Variants in PCSK6 observed in about 807,000 individuals in gnomAD.
The protein encoded by PCSK6 is proprotein convertase subtilisin/kexin type 6.
Under a neutral mutation model 123.3 loss-of-function variants are expected in PCSK6, and 85 were observed. The observed-to-expected ratio is 0.69, with a 90% confidence interval of 0.58 to 0.83. The LOEUF is 0.83. Ranked by LOEUF, PCSK6 falls within the 40% of genes least tolerant of loss-of-function variation. The pLI is 0.00. For synonymous variants in PCSK6, 508 were observed against 516.0 expected (o/e 0.98, Z 0.21); for missense variants, 1,191 against 1,282.3 (o/e 0.93, Z 1.09).
At chr15:101,417,252 C>G (rs1260181448) in intron 6 of PCSK6, among the ~76,000 whole-genome samples, 1 of 152,160 alleles carries the variant, frequency 6.6e-6, no homozygotes, top group Non-Finnish European at 1.5e-5. Context: ...CTGACGCCTC[C>G]CCAGCCATGT....
intron 2 of PCSK6, among the ~76,000 whole-genome samples, chr15:101,433,865 AG>A (rs2056520295): frequency 6.6e-6 from 1 of 152,232 alleles, no homozygotes; most frequent in Admixed American, 6.5e-5. Context: ...CTTGGTGTAC[AG>A]GGCAAAATGC....
At chr15:101,425,688 C>G (rs2056232983) in intron 6 of PCSK6, among the ~76,000 whole-genome samples, 1 of 151,992 alleles carries the variant, frequency 6.6e-6, no homozygotes, top group Admixed American at 6.6e-5. Context: ...TGCTATTATT[C>G]TTGTTTTAAA....
intron 20 of PCSK6, 33 bp downstream of exon 20, chr15:101,313,343 G>GCTGC: frequency 6.2e-7 from 1 of 1,612,516 alleles, no homozygotes; most frequent in Admixed American, 1.7e-5. Context: ...GCTGGACACA[G>GCTGC]CTGCCTGCCG....
chr15:101,331,580 G>C, intron 15 of PCSK6, 71 bp downstream of exon 15: 1 of 1,424,806 alleles, frequency 7.0e-7, no homozygotes, highest in Non-Finnish European at 9.8e-7. Flanking sequence ...CCCCATTCTG[G>C]TTGGGCATAT....
At chr15:101,364,385 A>G (rs1408592529) in intron 13 of PCSK6, among the ~76,000 whole-genome samples, 7 of 152,188 alleles carry the variant, frequency 4.6e-5, no homozygotes, top group Non-Finnish European at 1.5e-5. Context: ...TGTGCTGATT[A>G]TTCCAGTTTT....
intron 20 of PCSK6, chr15:101,308,259 T>G (rs576428172): frequency 1.3e-5 from 2 of 152,350 alleles, no homozygotes; most frequent in Non-Finnish European, 2.9e-5. Context: ...CACCTCCCCA[T>G]TGTTGCCAGT....
chr15:101,434,096 C>T (rs777103991), intron 2 of PCSK6, among the ~76,000 whole-genome samples: 17 of 152,302 alleles, frequency 1.1e-4, no homozygotes, highest in Admixed American at 2.6e-4. Flanking sequence ...TTCCTAACAC[C>T]GGCTGATGGC....
At chr15:101,309,935 G>A (rs765513503) in intron 20 of PCSK6, among the ~76,000 whole-genome samples, 1 of 152,218 alleles carries the variant, frequency 6.6e-6, no homozygotes, top group Non-Finnish European at 1.5e-5. Flanking sequence ...GTCGGGCCTC[G>A]GCTTCCACCT....
intron 9 of PCSK6, among the ~76,000 whole-genome samples, 155 bp from the exon 10 acceptor site, chr15:101,384,580 C>T (rs2042006528): frequency 6.6e-6 from 1 of 152,100 alleles, no homozygotes. Context: ...TTTATTTCAC[C>T]ACCTCTTTGT....
chr15:101,410,612 A>G (rs2042917811), intron 6 of PCSK6, among the ~76,000 whole-genome samples: 1 of 152,220 alleles, frequency 6.6e-6, no homozygotes, highest in Non-Finnish European at 1.5e-5. Context: ...AATTCAGTCA[A>G]GAAGTATACA....
intron 1 of PCSK6, among the ~76,000 whole-genome samples, chr15:101,485,957 A>ATTTTT (rs11303524): frequency 1.7e-5 from 2 of 116,100 alleles, no homozygotes; most frequent in Non-Finnish European, 3.5e-5. Context: ...ATTTATTTAA[A>ATTTTT]TTTTTTTTTT....
intron 11 of PCSK6, among the ~76,000 whole-genome samples, chr15:101,373,403 G>A (rs2041642417): frequency 6.6e-6 from 1 of 152,202 alleles, no homozygotes; most frequent in Non-Finnish European, 1.5e-5. Flanking sequence ...CTCAGTTACA[G>A]GCCACCAGGA....
intron 11 of PCSK6, among the ~76,000 whole-genome samples, chr15:101,380,114 G>C (rs2041873272): frequency 6.6e-6 from 1 of 152,238 alleles, no homozygotes; most frequent in Non-Finnish European, 1.5e-5. Context: ...TCCTCTTGGA[G>C]TTTGGAGGGT....
At chr15:101,408,957 C>T (rs997440772) in intron 6 of PCSK6, among the ~76,000 whole-genome samples, 2 of 152,330 alleles carry the variant, frequency 1.3e-5, no homozygotes, top group East Asian at 3.9e-4. Flanking sequence ...GGAATCTGGT[C>T]GCTGCCGTTT....
intron 18 of PCSK6, 125 bp downstream of exon 18, chr15:101,322,395 C>T (rs2040145881): frequency 3.0e-6 from 2 of 656,544 alleles, no homozygotes; most frequent in Non-Finnish European, 5.4e-6. Flanking sequence ...GGAATCTTTA[C>T]CCTCAATGGC....
chr15:101,351,046 A>G (rs1452490234), intron 13 of PCSK6, among the ~76,000 whole-genome samples: 1 of 152,210 alleles, frequency 6.6e-6, no homozygotes, highest in Non-Finnish European at 1.5e-5. Flanking sequence ...TTTTGTCATT[A>G]TCTGTGCTTC....
At chr15:101,349,091 G>T (rs750825877) in intron 13 of PCSK6, among the ~76,000 whole-genome samples, 2 of 152,184 alleles carry the variant, frequency 1.3e-5, no homozygotes, top group African/African-American at 2.4e-5. Flanking sequence ...ACCAAAGCTG[G>T]GATTCCACAG....
At chr15:101,337,134 A>G (rs574953509) in intron 13 of PCSK6, 1 of 152,068 alleles carries the variant, frequency 6.6e-6, no homozygotes, top group Admixed American at 6.5e-5. Context: ...CCTCCTGAGT[A>G]GCTGGGACTA....
chr15:101,453,637 T>G (rs1016859160), intron 1 of PCSK6, among the ~76,000 whole-genome samples: 5 of 152,200 alleles, frequency 3.3e-5, no homozygotes, highest in African/African-American at 1.2e-4. Context: ...TTACCACCAC[T>G]GTGTAGCCTG....
Sources: allele counts gnomAD v4.1 joint callset (sites outside exome capture counted in the v4.1 genomes callset), GRCh38; gene constraint gnomAD v4.1.1; transcripts MANE v1.5; gene names NCBI Gene and HGNC (gene_info 2026-07-23, HGNC 2026-07-21).